NRG3: variants seen among roughly 807,000 people sequenced by gnomAD.
The protein encoded by NRG3 is neuregulin 3, also known as pro-neuregulin-3, membrane-bound isoform.
NRG3 carries 31 observed loss-of-function variants against 66.9 expected under a neutral mutation model. That is an observed-to-expected ratio of 0.46 (90% CI 0.35 to 0.63). The LOEUF (loss-of-function observed/expected upper bound fraction) is 0.63. Ranked by LOEUF, NRG3 falls within the 20% of genes least tolerant of loss-of-function variation. The pLI is 0.00. For missense variants in NRG3, 910 were observed against 878.9 expected, an observed-to-expected ratio of 1.04 and a Z score of -0.45; for synonymous variants, 393 against 359.4, an observed-to-expected ratio of 1.09 and a Z score of -1.06.
At chr10:82,255,263 C>G (rs549760695) in intron 1 of NRG3, among the ~76,000 whole-genome samples, 3 of 152,242 alleles carry the variant, frequency 2.0e-5, no homozygotes, top group South Asian at 2.1e-4. Flanking sequence ...TCAAGGTCAT[C>G]ACAGACAAGC....
chr10:82,263,295 C>A (rs1350874562), intron 1 of NRG3, among the ~76,000 whole-genome samples: 5 of 151,972 alleles, frequency 3.3e-5, no homozygotes, highest in African/African-American at 1.2e-4. Context: ...AAGGGATGGG[C>A]AAGAGAAGGT....
chr10:82,531,955 C>G (rs1328361642), intron 2 of NRG3, among the ~76,000 whole-genome samples: 1 of 151,712 alleles, frequency 6.6e-6, no homozygotes, highest in African/African-American at 2.4e-5. Flanking sequence ...TCTCCTAGCC[C>G]CTGGAAACCA....
At chr10:82,098,423 A>G (rs967015389) in intron 1 of NRG3, among the ~76,000 whole-genome samples, 2 of 152,120 alleles carry the variant, frequency 1.3e-5, no homozygotes, top group Non-Finnish European at 2.9e-5. Context: ...TGCTCTTGGC[A>G]AAAACAGCCA....
intron 5 of NRG3, among the ~76,000 whole-genome samples, chr10:82,958,418 C>A (rs1256050704): frequency 6.6e-6 from 1 of 152,120 alleles, no homozygotes; most frequent in East Asian, 1.9e-4. Context: ...TAAGAGTTAA[C>A]TATTTTTAAT....
rs76373350 is a variant in NRG3 at position 82,424,059 on chromosome 10, G to A, written c.953+65191G>A. Among the ~76,000 whole-genome samples the A allele has an allele frequency of 5.5e-3, 829 of 152,082 alleles. 5 individuals are homozygous for A. The highest frequency in any genetic ancestry group is 0.019 in the African/African-American group (787 of 41,540). ...TCATCAGCTGATGGACATTTGGCTT[G>A]TATCTACATTTTAGCTATGGTGACT... On this transcript the variant is annotated intron_variant, in intron 2 of 8. Coordinates refer to ENST00000372141, the MANE Select transcript of NRG3 (RefSeq NM_001010848.4).
intron 1 of NRG3, among the ~76,000 whole-genome samples, chr10:82,322,971 A>G (rs2081654892): frequency 1.3e-5 from 2 of 152,214 alleles, no homozygotes; most frequent in African/African-American, 4.8e-5. Flanking sequence ...ACTGTTATTC[A>G]GAGCCTTCTG....
intron 4 of NRG3, among the ~76,000 whole-genome samples, chr10:82,923,639 A>T (rs545980487): frequency 1.3e-5 from 2 of 152,378 alleles, no homozygotes; most frequent in Admixed American, 6.5e-5. Context: ...TATTAAAAAC[A>T]GGAGAGAAAG....
At chr10:82,381,036 G>A (rs1178617024) in intron 2 of NRG3, among the ~76,000 whole-genome samples, 1 of 152,132 alleles carries the variant, frequency 6.6e-6, no homozygotes, top group Non-Finnish European at 1.5e-5. Flanking sequence ...GTAAGAAGAT[G>A]CAGTATGATT....
intron 2 of NRG3, among the ~76,000 whole-genome samples, chr10:82,596,179 C>A (rs1463084556): frequency 6.6e-6 from 1 of 152,152 alleles, no homozygotes; most frequent in Non-Finnish European, 1.5e-5. Flanking sequence ...GAGTCTCATA[C>A]AATCAGTCAG....
At chr10:82,434,872 T>C (rs1161056996) in intron 2 of NRG3, among the ~76,000 whole-genome samples, 1 of 152,144 alleles carries the variant, frequency 6.6e-6, no homozygotes, top group East Asian at 1.9e-4. Flanking sequence ...ATTTTTGCAC[T>C]GATGTTCATC....
intron 4 of NRG3, among the ~76,000 whole-genome samples, chr10:82,878,910 T>C (rs932686120): frequency 6.6e-6 from 1 of 152,182 alleles, no homozygotes; most frequent in Non-Finnish European, 1.5e-5. Flanking sequence ...CCTACCACGT[T>C]ATTATTCTCA....
rs181800997 is a variant in NRG3 at position 82,780,997 on chromosome 10, A to G, written c.1027+42347A>G. Among the ~76,000 whole-genome samples the G allele has an allele frequency of 2.7e-4, 41 of 152,228 alleles. No homozygotes were observed. The East Asian group carries it at 7.6e-3, about 28-fold the overall frequency. On this transcript the variant is annotated intron_variant, in intron 3 of 8. Coordinates refer to ENST00000372141, the MANE Select transcript of NRG3 (RefSeq NM_001010848.4). ...GGCAGGATTCCATTTCAATAAAGGG[A>G]GGAAGGGTCCTGCCTGAGCTGCTTT...
At chr10:82,486,234 C>T (rs1319455712) in intron 2 of NRG3, among the ~76,000 whole-genome samples, 1 of 152,128 alleles carries the variant, frequency 6.6e-6, no homozygotes, top group African/African-American at 2.4e-5. Flanking sequence ...GCAGCTACTA[C>T]TGAAAACAGT....
intron 1 of NRG3, among the ~76,000 whole-genome samples, chr10:82,078,475 C>A (rs533265801): frequency 1.3e-5 from 2 of 152,176 alleles, no homozygotes; most frequent in Non-Finnish European, 2.9e-5. Context: ...CTCAGCCTCC[C>A]GAGTAGCTGG....
chr10:81,926,053 C>T (rs922181289), intron 1 of NRG3, among the ~76,000 whole-genome samples: 1 of 152,120 alleles, frequency 6.6e-6, no homozygotes, highest in South Asian at 2.1e-4. Context: ...TGTAATTTTC[C>T]TCTATCTTAT....
intron 1 of NRG3, among the ~76,000 whole-genome samples, chr10:81,912,056 G>T (rs567144606): frequency 1.1e-4 from 16 of 152,018 alleles, no homozygotes; most frequent in Admixed American, 2.0e-4. Flanking sequence ...AACAATCACC[G>T]TTAGAAATCT....
intron 2 of NRG3, among the ~76,000 whole-genome samples, chr10:82,517,858 T>C (rs1047753634): frequency 2.6e-5 from 4 of 152,142 alleles, no homozygotes; most frequent in Non-Finnish European, 5.9e-5. Context: ...TCATAATCAA[T>C]ATTTTTAATG....
intron 4 of NRG3, among the ~76,000 whole-genome samples, chr10:82,873,425 G>A (rs915906660): frequency 6.6e-6 from 1 of 152,148 alleles, no homozygotes; most frequent in African/African-American, 2.4e-5. Context: ...AATAGATCAA[G>A]AGATATAATT....
At chr10:82,945,181 T>C (rs1435025417) in intron 4 of NRG3, among the ~76,000 whole-genome samples, 2 of 152,156 alleles carry the variant, frequency 1.3e-5, no homozygotes, top group East Asian at 3.8e-4. Context: ...GTCTAGAATA[T>C]AAAACCAGGC....
Sources: gnomAD v4.1 joint callset for allele counts (sites outside exome capture counted in the v4.1 genomes callset) on GRCh38, gnomAD v4.1.1 for gene constraint, MANE v1.5 for transcripts, NCBI Gene and HGNC (gene_info 2026-07-23, HGNC 2026-07-21) for gene names.